DRC8: variants seen among roughly 807,000 people sequenced by gnomAD.
DRC8 encodes dynein regulatory complex protein 8.
At chr1:245,002,866 A>G in the DRC8 span, among the ~76,000 whole-genome samples, 1 of 152,038 alleles carries the variant, frequency 6.6e-6, no homozygotes, top group Non-Finnish European at 1.5e-5. Context: ...TAGTATCTCA[A>G]ATTGTTGTGT....
chr1:245,053,680 C>T, the DRC8 span, among the ~76,000 whole-genome samples: 8 of 152,090 alleles, frequency 5.3e-5, no homozygotes, highest in East Asian at 1.9e-4. Flanking sequence ...CTTTGTGATT[C>T]GAGACTAGAG....
chr1:244,982,879 A>G, the DRC8 span, among the ~76,000 whole-genome samples: 2 of 152,036 alleles, frequency 1.3e-5, no homozygotes, highest in Non-Finnish European at 2.9e-5. Flanking sequence ...CCTGGCCAAC[A>G]TGGTGAAACC....
the DRC8 span, chr1:244,970,462 G>A: frequency 5.2e-6 from 8 of 1,525,192 alleles, no homozygotes; most frequent in South Asian, 3.6e-5. Flanking sequence ...GGGGAGCCGG[G>A]GAGCCGCTGC....
chr1:245,038,276 C>T, the DRC8 span, among the ~76,000 whole-genome samples: 1 of 152,148 alleles, frequency 6.6e-6, no homozygotes, highest in African/African-American at 2.4e-5. Context: ...CGAGACCACC[C>T]TGGCTAACAT....
the DRC8 span, among the ~76,000 whole-genome samples, chr1:245,028,773 G>T: frequency 6.6e-6 from 1 of 152,218 alleles, no homozygotes; most frequent in Middle Eastern, 3.2e-3. Flanking sequence ...AAAAGTCCCT[G>T]TAACTCTTTT....
the DRC8 span, among the ~76,000 whole-genome samples, chr1:244,975,828 C>T: frequency 6.6e-6 from 1 of 151,808 alleles, no homozygotes; most frequent in Non-Finnish European, 1.5e-5. Flanking sequence ...CTACTGCACT[C>T]CAGCCTGAGT....
the DRC8 span, among the ~76,000 whole-genome samples, chr1:245,084,533 A>G: frequency 6.6e-6 from 1 of 152,092 alleles, no homozygotes; most frequent in South Asian, 2.1e-4. Flanking sequence ...AAACCTGCAC[A>G]CTTATATATA....
At chr1:245,021,585 A>G in the DRC8 span, among the ~76,000 whole-genome samples, 1 of 152,000 alleles carries the variant, frequency 6.6e-6, no homozygotes, top group African/African-American at 2.4e-5. Flanking sequence ...ACAGGTGCCC[A>G]CCACCACGCC....
the DRC8 span, among the ~76,000 whole-genome samples, chr1:245,040,888 C>T: frequency 6.6e-6 from 1 of 152,122 alleles, no homozygotes. Flanking sequence ...CTCTGCCCTC[C>T]AGGAACTTAT....
At chr1:245,049,592 A>T in the DRC8 span, among the ~76,000 whole-genome samples, 10 of 152,312 alleles carry the variant, frequency 6.6e-5, no homozygotes, top group South Asian at 1.2e-3. This position sits in a 1 kb window ranked among gnomAD's most constrained non-coding sequence, Gnocchi z 4.5. Flanking sequence ...CTAAAAAAAA[A>T]CTGTAATAAG....
At chr1:245,073,741 A>C in the DRC8 span, among the ~76,000 whole-genome samples, 1 of 152,196 alleles carries the variant, frequency 6.6e-6, no homozygotes, top group African/African-American at 2.4e-5. Flanking sequence ...TAATATGTGG[A>C]TATAGCATTG....
chr1:245,036,795 GACAC>G, the DRC8 span, among the ~76,000 whole-genome samples: 1 of 152,172 alleles, frequency 6.6e-6, no homozygotes, highest in African/African-American at 2.4e-5. Context: ...CAAATCTGTA[GACAC>G]ACAGATCAGT....
At chr1:245,001,944 T>A in the DRC8 span, among the ~76,000 whole-genome samples, 3 of 152,242 alleles carry the variant, frequency 2.0e-5, no homozygotes, top group African/African-American at 7.2e-5. Flanking sequence ...TTACTCTTCT[T>A]TGAGGTCATC....
chr1:245,096,221 A>C, the DRC8 span, among the ~76,000 whole-genome samples: 1 of 152,376 alleles, frequency 6.6e-6, no homozygotes, highest in Non-Finnish European at 1.5e-5. Flanking sequence ...TATTATTTGC[A>C]GGAGGCAATT....
the DRC8 span, among the ~76,000 whole-genome samples, chr1:245,060,511 TA>T: frequency 6.6e-6 from 1 of 152,230 alleles, no homozygotes; most frequent in Non-Finnish European, 1.5e-5. Context: ...ACATTGTTTT[TA>T]CCTTTTGGGA....
the DRC8 span, among the ~76,000 whole-genome samples, chr1:244,972,052 G>GA: frequency 2.0e-5 from 3 of 150,464 alleles, no homozygotes; most frequent in South Asian, 6.3e-4. Flanking sequence ...GTCAGCATGA[G>GA]AAAAAACGCA....
chr1:245,011,333 C>T, the DRC8 span, among the ~76,000 whole-genome samples: 5 of 152,188 alleles, frequency 3.3e-5, no homozygotes, highest in Admixed American at 6.5e-5. Flanking sequence ...CATCTTCTTA[C>T]ATTTATTCAC....
At chr1:245,043,995 A>G in the DRC8 span, 1 of 152,260 alleles carries the variant, frequency 6.6e-6, no homozygotes, top group South Asian at 2.1e-4. Flanking sequence ...GCACCTACAC[A>G]GGCTGGCACA....
chr1:245,083,421 C>T, the DRC8 span: 4 of 1,609,196 alleles, frequency 2.5e-6, no homozygotes, highest in South Asian at 4.4e-5. Flanking sequence ...GGCATTTACT[C>T]ATTTTATTGC....
Sources: allele counts gnomAD v4.1 joint callset (sites outside exome capture counted in the v4.1 genomes callset), GRCh38; gene constraint gnomAD v4.1.1; non-coding constraint Gnocchi (gnomAD v3.1); transcripts MANE v1.5; gene names NCBI Gene and HGNC (gene_info 2026-07-23, HGNC 2026-07-21).